Variants in NME9 observed in about 807,000 individuals in gnomAD.
NME9 encodes NME/NM23 family member 9.
NME9 carries 48 observed loss-of-function variants against 44.4 expected under a neutral mutation model. The ratio of observed to expected loss-of-function variants is 1.08; its 90% CI spans 0.86 to 1.37. The LOEUF is 1.37. Among genes scored for constraint, NME9 ranks in the 40% most tolerant of loss-of-function variants. The probability of loss-of-function intolerance (pLI) is 0.00; values close to 1 mark genes in which losing one functional copy is unlikely to be tolerated. For synonymous variants in NME9, 139 were observed against 147.1 expected (o/e 0.94, Z 0.40); for missense variants, 325 against 405.2 (o/e 0.80, Z 1.70).
chr3:138,284,773 T>C (rs2050248997), intron 8 of NME9, among the ~76,000 whole-genome samples: 1 of 152,180 alleles, frequency 6.6e-6, no homozygotes, highest in East Asian at 1.9e-4. Flanking sequence ...ACTGGTTGCC[T>C]CCCTCTTACT....
rs552053983 is a variant in NME9, at chr3:138,293,469, G to A, written c.745+10038C>T. ...CAGGAGGATCACTTGAACCCAGGAGGCAGAGATCGTGGTGAGCCGAGATTG... is the reference window on the plus strand; with the variant it reads ...CAGGAGGATCACTTGAACCCAGGAGACAGAGATCGTGGTGAGCCGAGATTG... On this transcript the variant is annotated intron_variant, in intron 8 of 8. Coordinates refer to the NME9 transcript ENST00000317876. Among the ~76,000 whole-genome samples the A allele has an allele frequency of 3.3e-5, 5 of 152,186 alleles. No homozygotes were observed. The South Asian group carries it at 1.0e-3, about 32-fold the overall frequency.
chr3:138,323,075 C>T (rs2053567065), intron 2 of NME9, among the ~76,000 whole-genome samples: 1 of 152,150 alleles, frequency 6.6e-6, no homozygotes, highest in Non-Finnish European at 1.5e-5. Context: ...TTATCTAGTA[C>T]CCTCTTGGCC....
At chr3:138,262,464 C>G in exon 9 of NME9, 1 of 1,520,232 alleles carries the variant, frequency 6.6e-7, no homozygotes, top group African/African-American at 1.4e-5. Context: ...ATTTTCTTCT[C>G]TTCTTGTTTG....
chr3:138,299,719 C>T (rs1481610672), downstream of NME9, among the ~76,000 whole-genome samples: 1 of 152,192 alleles, frequency 6.6e-6, no homozygotes, highest in African/African-American at 2.4e-5. Flanking sequence ...CTTTGCTTTA[C>T]CACTGCCCTG....
chr3:138,305,929 A>AT (rs2052221371), intron 8 of NME9, 75 bp downstream of exon 8: 1 of 976,710 alleles, frequency 1.0e-6, no homozygotes, highest in Admixed American at 1.8e-5. Flanking sequence ...TCACAAACTG[A>AT]TATCAATCTA....
At chr3:138,285,738 G>GT in intron 8 of NME9, among the ~76,000 whole-genome samples, 1 of 152,102 alleles carries the variant, frequency 6.6e-6, no homozygotes, top group South Asian at 2.1e-4. Context: ...TGTCAGCTTT[G>GT]TGCACAACTG....
chr3:138,278,102 T>A lies in NME9; in HGVS notation c.746-15516A>T, dbSNP rs142991302. ...ATCAAAGGTATCCAAGCCTTAAAGG[T>A]TGGGGGCAGGATTTGACTATAAAGG... is the stretch of plus-strand genomic sequence containing the variant. On this transcript the variant is annotated intron_variant, in intron 8 of 8. Transcript: ENST00000317876. 2.3e-3 allele frequency among the ~76,000 whole-genome samples: 355 copies of A among 152,036 alleles called. 1 individual carries two copies. Among genetic ancestry groups the A allele is most frequent in the African/African-American group, 7.3e-3 (302 of 41,446 alleles).
exon 9 of NME9, chr3:138,261,829 T>C (rs1453831498): frequency 6.6e-6 from 1 of 152,222 alleles, no homozygotes; most frequent in Admixed American, 6.5e-5. Flanking sequence ...AGCAAAAGCA[T>C]GGAGACCTTT....
At position 138,304,807 on chromosome 3, in the gene NME9, G is replaced by A. The variant is rs989736673; in HGVS notation, c.791+66C>T. 8 of 1,486,874 alleles carry A rather than the reference G, an allele frequency of 5.4e-6. No homozygotes were observed. In the African/African-American group the frequency reaches 1.1e-4, roughly 21 times the overall value. The allele number at this position is 1,486,874 out of a possible 1,614,324, so 92.1% of individuals were successfully genotyped here. ...CCCATGATTCTAGGCTGAACACTGA[G>A]TGGGACTCAGCCTCCTGGGATGCAG... On this transcript the variant is annotated intron_variant, in intron 9 of 10. Transcript: ENST00000333911.
chr3:138,304,556 TC>T (rs2052090296), intron 9 of NME9, among the ~76,000 whole-genome samples: 1 of 152,078 alleles, frequency 6.6e-6, no homozygotes, highest in African/African-American at 2.4e-5. Flanking sequence ...GGCCCTAGAA[TC>T]TGTATGTTCC....
intron 5 of NME9, among the ~76,000 whole-genome samples, chr3:138,314,642 T>C (rs540085718): frequency 7.9e-5 from 12 of 152,176 alleles, no homozygotes; most frequent in Non-Finnish European, 1.5e-4. Context: ...TCTGCCTCTT[T>C]TCATAAGCAT....
chr3:138,273,060 T>C, intron 8 of NME9: 1 of 1,613,536 alleles, frequency 6.2e-7, no homozygotes, highest in South Asian at 1.1e-5. Flanking sequence ...AGATTCAGAT[T>C]TGAATGTGCT....
chr3:138,271,653 A>G (rs1004289486), intron 8 of NME9, among the ~76,000 whole-genome samples: 5 of 152,214 alleles, frequency 3.3e-5, no homozygotes, highest in African/African-American at 1.2e-4. Flanking sequence ...CTCTTGACAC[A>G]TAGAGTATTC....
At position 138,301,127 on chromosome 3, in the gene NME9, A is replaced by C. The variant is rs1471703087; in HGVS notation, c.*513T>G. On this transcript the variant is annotated 3_prime_UTR_variant, in exon 11 of 11. Transcript: ENST00000333911. ...GTTCAATTATTTTGTAAAATCCCAA[A>C]GACAGAGAAAAAAAACTGCGTTCTA... is the stretch of plus-strand genomic sequence containing the variant. 1.4e-5 allele frequency: 14 copies of C among 971,074 alleles called. No individual in the cohort carries two copies. The highest frequency in any genetic ancestry group is 1.7e-5 in the Non-Finnish European group (14 of 817,048). The allele number at this position is 971,074 out of a possible 1,614,324, so 60.2% of individuals were successfully genotyped here. A position where few individuals can be genotyped will look rare whatever the true frequency, so the allele number is the denominator to read the frequency against.
At chr3:138,320,805 C>T (rs2053417593) in intron 2 of NME9, among the ~76,000 whole-genome samples, 1 of 152,140 alleles carries the variant, frequency 6.6e-6, no homozygotes, top group African/African-American at 2.4e-5. Flanking sequence ...TGGACCAGAC[C>T]TGCCCGAGAT....
At chr3:138,272,741 G>A (rs1162409322) in intron 8 of NME9, among the ~76,000 whole-genome samples, 1 of 152,100 alleles carries the variant, frequency 6.6e-6, no homozygotes, top group Non-Finnish European at 1.5e-5. Flanking sequence ...CAGGCGTGGT[G>A]GCTCGCGCCT....
chr3:138,262,573 T>A (rs1368899591), exon 9 of NME9: 12 of 1,611,266 alleles, frequency 7.4e-6, no homozygotes, highest in Non-Finnish European at 8.5e-6. Flanking sequence ...ACCTTGGCTG[T>A]GTACTGGACT....
chr3:138,300,469 T>G (rs1215467314), downstream of NME9, among the ~76,000 whole-genome samples: 1 of 152,168 alleles, frequency 6.6e-6, no homozygotes, highest in Non-Finnish European at 1.5e-5. Flanking sequence ...GAAAATGGCC[T>G]TCTCCTCAGA....
chr3:138,276,731 A>T (rs2049333242), intron 8 of NME9, among the ~76,000 whole-genome samples: 1 of 152,220 alleles, frequency 6.6e-6, no homozygotes, highest in Admixed American at 6.5e-5. Flanking sequence ...TATACTGAAA[A>T]CTATAAAAAC....
Sources: allele counts gnomAD v4.1 joint callset (sites outside exome capture counted in the v4.1 genomes callset), GRCh38; gene constraint gnomAD v4.1.1; transcripts MANE v1.5; gene names NCBI Gene and HGNC (gene_info 2026-07-23, HGNC 2026-07-21).